Variants in CTBP1 observed in about 807,000 individuals in gnomAD.
CTBP1 encodes C-terminal binding protein 1, also known as C-terminal-binding protein 1.
In CTBP1, 11 loss-of-function variants were observed where a neutral mutation model predicts 42.1. That is an observed-to-expected ratio of 0.26 (90% CI 0.16 to 0.43). CTBP1 has a LOEUF of 0.43. Ranked by LOEUF, CTBP1 falls within the 20% of genes least tolerant of loss-of-function variation. The pLI, the probability that CTBP1 is intolerant of heterozygous loss-of-function variation, is 1.00. For synonymous variants in CTBP1, 324 were observed against 277.1 expected, an observed-to-expected ratio of 1.17 and a Z score of -1.68; for missense variants, 399 against 624.3, an observed-to-expected ratio of 0.64 and a Z score of 3.85.
intron 3 of CTBP1, chr4:1,237,341 A>C (rs1323680751): frequency 1.5e-6 from 1 of 660,264 alleles, no homozygotes; most frequent in Admixed American, 2.1e-5. Context: ...CCACCTCCTG[A>C]TGGGGCTCAG....
In CTBP1 at chr4:1,213,608, G is replaced by C. The variant is rs1349074444; in HGVS notation, c.861-3C>G. 1 of 1,612,582 alleles carries C rather than the reference G, an allele frequency of 6.2e-7. No homozygotes were observed. The highest frequency in any genetic ancestry group is 1.3e-5 in the African/African-American group (1 of 74,932). ...CCTTCAGAGGGCCCTGGCTAAAGCTGGGAACAGCACAGGCATGGTCAGTGC... is the reference window on the plus strand; with the variant it reads ...CCTTCAGAGGGCCCTGGCTAAAGCTCGGAACAGCACAGGCATGGTCAGTGC... On this transcript the variant is annotated splice_region_variant and splice_polypyrimidine_tract_variant and intron_variant, in intron 7 of 9. Coordinates refer to ENST00000382952, the MANE Select transcript of CTBP1 (RefSeq NM_001012614.2).
intron 5 of CTBP1, among the ~76,000 whole-genome samples, chr4:1,220,582 C>T (rs779613024): frequency 2.6e-5 from 4 of 152,242 alleles, no homozygotes; most frequent in African/African-American, 7.2e-5. Flanking sequence ...CCAAGACCCT[C>T]GTCAAGAACA....
At position 1,216,084 on chromosome 4, in the gene CTBP1, C is replaced by A; in HGVS notation, c.636G>T (p.Leu212=). ...RALGLQRVST[L]QDLLFHSDCV... ...AGTCGCTGTGGAAGAGCAGGTCCTG[C>A]AGGGTGCTGACACGCTGCAGCCCCA... The change falls in exon 6 of 10, where the codon CTG becomes CTT. Residue 212 remains leucine (L), a synonymous_variant. Transcript: ENST00000382952. The A allele has an allele frequency of 3.1e-6, 5 of 1,611,574 alleles. No homozygotes were observed. The highest frequency in any genetic ancestry group is 4.2e-6 in the Non-Finnish European group (5 of 1,179,922).
At chr4:1,240,101 CGCTCG>C (rs1441699968) in intron 2 of CTBP1, among the ~76,000 whole-genome samples, 1 of 152,242 alleles carries the variant, frequency 6.6e-6, no homozygotes, top group Non-Finnish European at 1.5e-5. Flanking sequence ...CACTGCAGAC[CGCTCG>C]GCTGCGTCAG....
rs1278890043 is a variant in CTBP1, at chr4:1,238,527, G to C, written c.8-190C>G. On this transcript the variant is annotated intron_variant, in intron 2 of 9. Transcript: ENST00000382952. This position sits in a 1 kb window ranked among gnomAD's most constrained non-coding sequence, Gnocchi z 5.9. ...AGACAACTCGTGTGTGCCTCAGCTCGCTGACTCAAGTGGACACAGACTGTG... is the reference window on the plus strand; with the variant it reads ...AGACAACTCGTGTGTGCCTCAGCTCCCTGACTCAAGTGGACACAGACTGTG... Among the ~76,000 whole-genome samples, 1 of 151,888 alleles carries C rather than the reference G, an allele frequency of 6.6e-6. No individual in the cohort carries two copies. The highest frequency in any genetic ancestry group is 2.4e-5 in the African/African-American group (1 of 41,314).
At chr4:1,230,269 C>G (rs1730827297) in intron 3 of CTBP1, among the ~76,000 whole-genome samples, 1 of 152,226 alleles carries the variant, frequency 6.6e-6, no homozygotes, top group African/African-American at 2.4e-5. Context: ...CAGTGGGCGA[C>G]TGGTGCACAG....
intron 3 of CTBP1, chr4:1,231,018 G>C (rs932800377): frequency 6.6e-6 from 1 of 152,288 alleles, no homozygotes; most frequent in African/African-American, 2.4e-5. Flanking sequence ...CTGAATACAG[G>C]TTTAACAACA....
At position 1,227,704 on chromosome 4, in the gene CTBP1, G is replaced by A. The variant is rs541688048; in HGVS notation, c.307+495C>T. Among the ~76,000 whole-genome samples, 334 of 151,578 alleles carry A rather than the reference G, an allele frequency of 2.2e-3. 2 individuals carry two copies. Among genetic ancestry groups the A allele is most frequent in the African/African-American group, 7.8e-3 (320 of 41,278 alleles). Reference sequence around the variant, plus strand: ...ATGTGCTGAGTGCACATGCACGGATGCAGATGTGCGTGTTCCGTGTGTGTT... The same window carrying A: ...ATGTGCTGAGTGCACATGCACGGATACAGATGTGCGTGTTCCGTGTGTGTT... On this transcript the variant is annotated intron_variant, in intron 4 of 9. Coordinates refer to ENST00000382952, the MANE Select transcript of CTBP1 (RefSeq NM_001012614.2).
intron 7 of CTBP1, 145 bp downstream of exon 7, chr4:1,214,198 C>G: frequency 9.2e-7 from 1 of 1,092,708 alleles, no homozygotes; most frequent in South Asian, 2.0e-5. Context: ...CACCCCGCAG[C>G]GGGCGGCAAA....
At chr4:1,216,534 G>A (rs1729135103) in intron 5 of CTBP1, 1 of 481,888 alleles carries the variant, frequency 2.1e-6, no homozygotes, top group East Asian at 3.7e-5. Context: ...GGACTGGTCA[G>A]TGGGTCTCCA....
intron 3 of CTBP1, among the ~76,000 whole-genome samples, chr4:1,229,527 C>G (rs1022831406): frequency 6.6e-6 from 1 of 152,220 alleles, no homozygotes; most frequent in Admixed American, 6.5e-5. Context: ...GGATCAATGG[C>G]GCAGGCTCAG....
chr4:1,239,735 T>A (rs1731959970), intron 2 of CTBP1, among the ~76,000 whole-genome samples: 1 of 152,218 alleles, frequency 6.6e-6, no homozygotes, highest in African/African-American at 2.4e-5. Context: ...GCCCCTCCCG[T>A]GAGGTCCTCG....
In CTBP1 at chr4:1,241,465, C is replaced by T. The variant is rs761850858; in HGVS notation, c.-134G>A. 2 of 1,604,988 alleles carry T rather than the reference C, an allele frequency of 1.2e-6. No individual in the cohort carries two copies. The highest frequency in any genetic ancestry group is 1.7e-5 in the Admixed American group (1 of 59,984). On this transcript the variant is annotated 5_prime_UTR_variant, in exon 2 of 10. Coordinates refer to ENST00000382952, the MANE Select transcript of CTBP1 (RefSeq NM_001012614.2). ...TCCTTAATTGTCTCGAGCCAAAGTGCTCAGGCTTCTGATCCGCGGCAATCA... is the reference window on the plus strand; with the variant it reads ...TCCTTAATTGTCTCGAGCCAAAGTGTTCAGGCTTCTGATCCGCGGCAATCA...
rs761879195 is a variant in CTBP1, at chr4:1,214,462, C to T, written c.741G>A (p.Gly247=). Residue 247 remains glycine, a synonymous_variant, in exon 7 of 10, where the codon GGG becomes GGA. Coordinates refer to ENST00000382952, the MANE Select transcript of CTBP1 (RefSeq NM_001012614.2). ...CCCGGGCTGTGTTCACCAGGAAGGC[C>T]CCTTGTCTCATCTAGAAGACATAAG... ...NDFTVKQMRQ[G]AFLVNTARGG... 3 of 1,588,064 alleles carry T rather than the reference C, an allele frequency of 1.9e-6. No individual in the cohort carries two copies. Among genetic ancestry groups the T allele is most frequent in the South Asian group, 2.3e-5 (2 of 87,260 alleles).
At chr4:1,230,538 T>C (rs149250367) in intron 3 of CTBP1, among the ~76,000 whole-genome samples, 2 of 152,258 alleles carry the variant, frequency 1.3e-5, no homozygotes, top group African/African-American at 4.8e-5. Flanking sequence ...CCCGGGGGGC[T>C]GGCCTGGGCA....
At chr4:1,244,505 C>A (rs1732519955) in intron 1 of CTBP1, 1 of 985,132 alleles carries the variant, frequency 1.0e-6, no homozygotes, top group Non-Finnish European at 1.2e-6. Flanking sequence ...CACGTCCCTC[C>A]ACTGGCCAGC....
chr4:1,213,482 G>T lies in CTBP1; in HGVS notation c.984C>A (p.Ile328=). The T allele has an allele frequency of 6.2e-7, 1 of 1,611,090 alleles. No homozygotes were observed. The part of the protein sequence containing the change: ...EEAAREIRRA[I]TGRIPDSLKN... ...CCGAGCGGCCCCCACGCCCACCTGTGATGGCTCTGCGGATCTCCCGTGCCG... is the reference window on the plus strand; with the variant it reads ...CCGAGCGGCCCCCACGCCCACCTGTTATGGCTCTGCGGATCTCCCGTGCCG... Residue 328 remains isoleucine, a synonymous_variant, in exon 8 of 10, where the codon ATC becomes ATA. Transcript: ENST00000382952.
intron 1 of CTBP1, among the ~76,000 whole-genome samples, chr4:1,246,265 C>G (rs1211152421): frequency 6.6e-6 from 1 of 152,150 alleles, no homozygotes; most frequent in African/African-American, 2.4e-5. Flanking sequence ...CACCAGAGGA[C>G]CCTGGCGCTC....
intron 1 of CTBP1, chr4:1,243,677 C>T (rs1337399508): frequency 1.6e-5 from 16 of 985,356 alleles, no homozygotes; most frequent in African/African-American, 7.0e-5. Flanking sequence ...GCGCACCTCA[C>T]GCCAGGGAGC....
Sources: gnomAD v4.1 joint callset for allele counts (sites outside exome capture counted in the v4.1 genomes callset) on GRCh38, gnomAD v4.1.1 for gene constraint, Gnocchi (gnomAD v3.1) non-coding constraint, MANE v1.5 for transcripts, NCBI Gene and HGNC (gene_info 2026-07-23, HGNC 2026-07-21) for gene names.